Variants in LEPR observed in about 807,000 individuals in gnomAD.
LEPR encodes leptin receptor.
Under a neutral mutation model 114.7 loss-of-function variants are expected in LEPR, and 56 were observed. That is an observed-to-expected ratio of 0.49 (90% confidence interval 0.39 to 0.61). The LOEUF (loss-of-function observed/expected upper bound fraction) is 0.61. LEPR is among the 20% of genes least tolerant of loss of function. The probability of loss-of-function intolerance (pLI) is 0.00; values close to 1 mark genes in which losing one functional copy is unlikely to be tolerated. For missense variants in LEPR, 1,202 were observed against 1,352.9 expected (o/e 0.89, Z 1.75); for synonymous variants, 443 against 461.4 (o/e 0.96, Z 0.51).
chr1:65,427,155 G>A (rs1275212379), intron 2 of LEPR, among the ~76,000 whole-genome samples: 1 of 152,174 alleles, frequency 6.6e-6, no homozygotes. Context: ...ACTTATATTT[G>A]TTTAGAGCCT....
intron 5 of LEPR, among the ~76,000 whole-genome samples, chr1:65,587,196 C>T (rs1039994703): frequency 6.6e-6 from 1 of 151,990 alleles, no homozygotes; most frequent in African/African-American, 2.4e-5. Context: ...AATATTCTTG[C>T]TTTAAAATTC....
intron 2 of LEPR, among the ~76,000 whole-genome samples, chr1:65,484,400 T>A (rs200280096): frequency 1.8e-3 from 270 of 152,070 alleles, no homozygotes; most frequent in African/African-American, 6.0e-3. Flanking sequence ...CTTTTTTTTT[T>A]AAAAAAGAGT....
chr1:65,495,089 G>T (rs976029730), intron 2 of LEPR, among the ~76,000 whole-genome samples: 6 of 152,028 alleles, frequency 3.9e-5, no homozygotes, highest in African/African-American at 1.4e-4. Context: ...AAAAGTTTCT[G>T]TACAGCAAAG....
At chr1:65,430,407 C>T (rs1420145478) in intron 2 of LEPR, 1 of 162,050 alleles carries the variant, frequency 6.2e-6, no homozygotes, top group Non-Finnish European at 1.3e-5. Flanking sequence ...AATTCTTCTC[C>T]TGCAAATGGG....
At chr1:65,426,486 A>T (rs1570421716) in intron 2 of LEPR, among the ~76,000 whole-genome samples, 1 of 152,090 alleles carries the variant, frequency 6.6e-6, no homozygotes, top group African/African-American at 2.4e-5. Flanking sequence ...GTGAGACTAG[A>T]TAGGAAAGAG....
chr1:65,454,184 G>A (rs550863600), intron 2 of LEPR, among the ~76,000 whole-genome samples: 87 of 151,964 alleles, frequency 5.7e-4, no homozygotes, highest in African/African-American at 1.3e-3. Flanking sequence ...GTCTCTGCAC[G>A]TGAGATGGGT....
At chr1:65,518,913 C>A (rs1220581910) in intron 2 of LEPR, among the ~76,000 whole-genome samples, 1 of 79,552 alleles carries the variant, frequency 1.3e-5, no homozygotes, top group Non-Finnish European at 3.2e-5. Context: ...TTCTTTCTTT[C>A]TTTCTCTCTT....
intron 2 of LEPR, among the ~76,000 whole-genome samples, chr1:65,499,353 A>G (rs1334339539): frequency 1.3e-5 from 2 of 152,060 alleles, no homozygotes; most frequent in Non-Finnish European, 1.5e-5. Flanking sequence ...CGTAAAATGG[A>G]AAAATATGTA....
At position 65,570,817 on chromosome 1, in the gene LEPR, T is replaced by A; in HGVS notation, c.370+15T>A. 3 of 1,532,806 alleles carry A rather than the reference T, an allele frequency of 2.0e-6. No individual in the cohort carries two copies. The South Asian group carries it at 4.0e-5, about 20-fold the overall frequency. 95.0% of individuals were successfully genotyped at this position (1,532,806 alleles called of 1,614,324 possible). On this transcript the variant is annotated intron_variant, in intron 4 of 19. Transcript: ENST00000349533. ...TCAACAAATAGGTAAGCATTAGCTA[T>A]GTTTTAAATGTATTGAACAATGTTT...
chr1:65,571,382 T>G (rs1408193417), intron 4 of LEPR, among the ~76,000 whole-genome samples: 1 of 152,160 alleles, frequency 6.6e-6, no homozygotes, highest in Non-Finnish European at 1.5e-5. Flanking sequence ...AAAATTCTTT[T>G]TTTTTGTTTA....
rs945135468 is a variant in LEPR at position 65,570,525 on chromosome 1, G to A, written c.93G>A (p.Trp31Ter). 8 of 1,613,718 alleles carry A rather than the reference G, an allele frequency of 5.0e-6. No homozygotes were observed. In the Admixed American group the frequency reaches 1.2e-4, roughly 24 times the overall value. ...AFNLSYPITPWRFKLSCMPPN... is the reference protein window; with the variant it reads ...AFNLSYPITP ...ACTTGTCATATCCAATTACTCCTTGGAGATTTAAGTTGTCTTGCATGCCAC... is the reference window on the plus strand; with the variant it reads ...ACTTGTCATATCCAATTACTCCTTGAAGATTTAAGTTGTCTTGCATGCCAC... The change falls in exon 4 of 20, where the codon TGG becomes TGA. Residue 31 changes from tryptophan (W) to a stop codon, truncating the protein, a stop_gained. Transcript: ENST00000349533. LOFTEE classifies it high-confidence loss of function.
At chr1:65,483,859 T>C (rs1647340160) in intron 2 of LEPR, among the ~76,000 whole-genome samples, 1 of 152,136 alleles carries the variant, frequency 6.6e-6, no homozygotes, top group East Asian at 1.9e-4. Flanking sequence ...CCCATCCTAC[T>C]TGTCACTATC....
intron 2 of LEPR, among the ~76,000 whole-genome samples, chr1:65,428,382 C>CA (rs1429714121): frequency 2.0e-5 from 3 of 152,202 alleles, no homozygotes; most frequent in Non-Finnish European, 4.4e-5. Flanking sequence ...TTCCAAACCC[C>CA]TTCCCCTCTC....
chr1:65,496,438 G>T (rs891583867), intron 2 of LEPR, among the ~76,000 whole-genome samples: 2 of 152,026 alleles, frequency 1.3e-5, no homozygotes, highest in African/African-American at 4.8e-5. Context: ...ATAGCCAGGT[G>T]TGGTTGCACG....
chr1:65,570,522 T>G lies in LEPR; in HGVS notation c.90T>G (p.Pro30=), dbSNP rs560511914. 5 of 1,613,860 alleles carry G rather than the reference T, an allele frequency of 3.1e-6. No individual in the cohort carries two copies. The African/African-American group carries it at 6.7e-5, about 22-fold the overall frequency. ...TAFNLSYPIT[P]WRFKLSCMPP... is the part of the protein sequence containing the mutation. ...TTAACTTGTCATATCCAATTACTCC[T>G]TGGAGATTTAAGTTGTCTTGCATGC... The change falls in exon 4 of 20, where the codon CCT becomes CCG. Residue 30 remains proline, a synonymous_variant. Coordinates refer to ENST00000349533, the MANE Select transcript of LEPR (RefSeq NM_002303.6).
chr1:65,487,242 G>C (rs1215491137), intron 2 of LEPR, among the ~76,000 whole-genome samples: 2 of 152,106 alleles, frequency 1.3e-5, no homozygotes, highest in Non-Finnish European at 2.9e-5. Context: ...ACTTTTTGCT[G>C]CTGCGAAGGA....
chr1:65,506,929 T>C (rs955254842), intron 2 of LEPR, among the ~76,000 whole-genome samples: 3 of 152,156 alleles, frequency 2.0e-5, no homozygotes, highest in Admixed American at 1.3e-4. Context: ...ATATCTCTCC[T>C]TTCCCTGTCC....
intron 2 of LEPR, among the ~76,000 whole-genome samples, chr1:65,448,912 G>A (rs1570467082): frequency 1.3e-5 from 2 of 152,156 alleles, no homozygotes; most frequent in South Asian, 4.1e-4. Context: ...TGTTGTTTTT[G>A]AGATGGAGTC....
chr1:65,436,702 A>G (rs1646567956), intron 2 of LEPR, among the ~76,000 whole-genome samples: 1 of 149,844 alleles, frequency 6.7e-6, no homozygotes, highest in African/African-American at 2.4e-5. Flanking sequence ...ACACTTGGAG[A>G]CTGCACAATC....
Sources: gnomAD v4.1 joint callset for allele counts (sites outside exome capture counted in the v4.1 genomes callset) on GRCh38, gnomAD v4.1.1 for gene constraint, MANE v1.5 for transcripts, NCBI Gene and HGNC (gene_info 2026-07-23, HGNC 2026-07-21) for gene names.